PAPSS2: variants seen among roughly 807,000 people sequenced by gnomAD.
The protein encoded by PAPSS2 is 3'-phosphoadenosine 5'-phosphosulfate synthase 2, also known as bifunctional 3'-phosphoadenosine 5'-phosphosulfate synthase 2.
A neutral mutation model predicts 66.5 loss-of-function variants in PAPSS2; 61 were observed. The ratio of observed to expected loss-of-function variants is 0.92; its 90% CI spans 0.75 to 1.14. The LOEUF (loss-of-function observed/expected upper bound fraction) is 1.14, where lower values mean the gene tolerates loss of function less well. PAPSS2 is among the 50% of genes most tolerant of loss of function. PAPSS2 has a pLI of 0.00. For synonymous variants in PAPSS2, 289 were observed against 287.5 expected, an observed-to-expected ratio of 1.01 and a Z score of -0.05; for missense variants, 708 against 789.6, an observed-to-expected ratio of 0.90 and a Z score of 1.24.
At chr10:87,671,696 C>T (rs1165553627) in intron 1 of PAPSS2, among the ~76,000 whole-genome samples, 1 of 152,108 alleles carries the variant, frequency 6.6e-6, no homozygotes, top group African/African-American at 2.4e-5. Flanking sequence ...TTGCTCAGCA[C>T]AGAATGTTAA....
At chr10:87,713,627 A>G (rs1425073353) in intron 3 of PAPSS2, among the ~76,000 whole-genome samples, 1 of 152,186 alleles carries the variant, frequency 6.6e-6, no homozygotes, top group African/African-American at 2.4e-5. Flanking sequence ...AACCTCTGTA[A>G]TTTTAGTTGT....
intron 8 of PAPSS2, among the ~76,000 whole-genome samples, chr10:87,724,454 T>C (rs975116121): frequency 2.0e-5 from 3 of 151,830 alleles, no homozygotes; most frequent in African/African-American, 7.2e-5. Context: ...TGTATTTCAG[T>C]TTCAGTGTTA....
At chr10:87,719,561 C>A (rs572268225) in intron 7 of PAPSS2, among the ~76,000 whole-genome samples, 8 of 152,236 alleles carry the variant, frequency 5.3e-5, no homozygotes, top group African/African-American at 1.9e-4. Flanking sequence ...GCTAGAGTCC[C>A]ACCTGGGCAA....
intron 1 of PAPSS2, among the ~76,000 whole-genome samples, chr10:87,692,144 A>G (rs1018677383): frequency 6.6e-6 from 1 of 152,144 alleles, no homozygotes; most frequent in African/African-American, 2.4e-5. Flanking sequence ...AAGCAATAGG[A>G]TGGCTCCTAG....
At chr10:87,727,530 T>C in intron 9 of PAPSS2, 41 bp downstream of exon 9, 1 of 1,486,532 alleles carries the variant, frequency 6.7e-7, no homozygotes, top group Non-Finnish European at 9.3e-7. Flanking sequence ...TTGAGCTATT[T>C]AAACTGAGAA....
chr10:87,701,097 T>C (rs1853297897), intron 1 of PAPSS2, among the ~76,000 whole-genome samples: 1 of 151,558 alleles, frequency 6.6e-6, no homozygotes, highest in African/African-American at 2.4e-5. Context: ...TATAATGTGA[T>C]ATATAATAAA....
chr10:87,679,358 C>T lies in PAPSS2; in HGVS notation c.27+19350C>T, dbSNP rs1247288689. Among the ~76,000 whole-genome samples, 6 of 152,128 alleles carry T rather than the reference C, an allele frequency of 3.9e-5. No individual in the cohort carries two copies. The East Asian group carries it at 7.7e-4, about 20-fold the overall frequency. On this transcript the variant is annotated intron_variant, in intron 1 of 12. Coordinates refer to ENST00000456849, the MANE Select transcript of PAPSS2 (RefSeq NM_001015880.2). Reference sequence around the variant, plus strand: ...AGATAAAAGTTATAATAAGTTCTATCGTTCTACAGCAGAGCAGAGTGACTA... The same window carrying T: ...AGATAAAAGTTATAATAAGTTCTATTGTTCTACAGCAGAGCAGAGTGACTA...
At position 87,741,279 on chromosome 10, in the gene PAPSS2, G is replaced by T; in HGVS notation, c.1131G>T (p.Gln377His). The change falls in exon 10 of 13, where the codon CAG (glutamine) becomes CAT (histidine). Residue 377 changes from glutamine (Q) to histidine (H), a missense_variant. Physicochemically the swap from Gln to His is conservative, Grantham distance 24 (BLOSUM62 0). Transcript: ENST00000456849. Reference protein sequence around the residue: ...SGDWLVGGDLQVLEKIRWNDG... With the variant: ...SGDWLVGGDLHVLEKIRWNDG... The stretch of plus-strand genomic sequence containing the variant: ...ACTGGCTGGTTGGTGGAGACCTTCA[G>T]GTGCTGGAGAAAATAAGATGGAATG... 6.2e-7 allele frequency: 1 copy of T among 1,613,794 alleles called. No homozygotes were observed. Among genetic ancestry groups the T allele is most frequent in the African/African-American group, 1.3e-5 (1 of 75,046 alleles).
intron 1 of PAPSS2, among the ~76,000 whole-genome samples, chr10:87,700,070 T>G (rs986555994): frequency 2.6e-5 from 4 of 152,164 alleles, no homozygotes; most frequent in Admixed American, 2.6e-4. Context: ...AGATTAATGT[T>G]AACTCACTCT....
At chr10:87,696,843 A>AT (rs979116134) in intron 1 of PAPSS2, among the ~76,000 whole-genome samples, 6 of 152,116 alleles carry the variant, frequency 3.9e-5, no homozygotes, top group East Asian at 1.9e-4. Flanking sequence ...TAGACTTTTT[A>AT]TTTTTTTAGA....
chr10:87,677,338 C>T (rs894140611), intron 1 of PAPSS2, among the ~76,000 whole-genome samples: 2 of 152,080 alleles, frequency 1.3e-5, no homozygotes, highest in Non-Finnish European at 2.9e-5. Flanking sequence ...TTACTTTCTT[C>T]TTCCTTCTAT....
intron 9 of PAPSS2, among the ~76,000 whole-genome samples, chr10:87,729,952 C>T (rs117279698): frequency 0.011 from 1,652 of 152,086 alleles, 21 homozygotes; most frequent in Middle Eastern, 0.014. Context: ...GCCGAGGTAG[C>T]GCCATTGCAC....
intron 9 of PAPSS2, 70 bp from the exon 10 acceptor site, chr10:87,741,165 A>G: frequency 6.7e-7 from 1 of 1,503,362 alleles, no homozygotes; most frequent in Non-Finnish European, 9.3e-7. Context: ...TTGGTCTAAA[A>G]GGAGAAAACT....
chr10:87,682,694 G>T (rs1363048847), intron 1 of PAPSS2, among the ~76,000 whole-genome samples: 1 of 152,188 alleles, frequency 6.6e-6, no homozygotes, highest in Non-Finnish European at 1.5e-5. Context: ...GCTGACAGTA[G>T]ATATTAAAAG....
chr10:87,693,936 C>A (rs774583434), intron 1 of PAPSS2, among the ~76,000 whole-genome samples: 6 of 152,142 alleles, frequency 3.9e-5, no homozygotes, highest in Admixed American at 3.9e-4. Context: ...GTGACTGTAA[C>A]TAAAGTTTGG....
At chr10:87,665,532 A>C (rs769784257) in intron 1 of PAPSS2, among the ~76,000 whole-genome samples, 15 of 152,066 alleles carry the variant, frequency 9.9e-5, no homozygotes, top group Non-Finnish European at 2.1e-4. Context: ...CTTTTTAAAG[A>C]CTTAGGTGAT....
In PAPSS2 at chr10:87,746,361, C is replaced by T. The variant is rs1007287803; in HGVS notation, c.*391C>T. 1 of 162,190 alleles carries T rather than the reference C, an allele frequency of 6.2e-6. No homozygotes were observed. Among genetic ancestry groups the T allele is most frequent in the Non-Finnish European group, 1.3e-5 (1 of 74,924 alleles). The allele number at this position is 162,190 out of a possible 1,614,324, so 10.0% of individuals were successfully genotyped here. Reference sequence around the variant, plus strand: ...CCTGTACTCTTCCAATGTCATTTATCAGTTGTAAAATATATCAGATTGTGT... The same window carrying T: ...CCTGTACTCTTCCAATGTCATTTATTAGTTGTAAAATATATCAGATTGTGT... On this transcript the variant is annotated 3_prime_UTR_variant, in exon 13 of 13. Transcript: ENST00000456849.
chr10:87,670,189 G>A (rs186744071), intron 1 of PAPSS2, among the ~76,000 whole-genome samples: 17 of 152,316 alleles, frequency 1.1e-4, no homozygotes, highest in East Asian at 5.8e-4. Context: ...CTAGCCTTAC[G>A]GCTATGTCAG....
chr10:87,732,253 C>T (rs1255689708), intron 9 of PAPSS2, among the ~76,000 whole-genome samples: 1 of 152,140 alleles, frequency 6.6e-6, no homozygotes, highest in Non-Finnish European at 1.5e-5. Context: ...TTAAGATAGG[C>T]TGGGCGCGGT....
Sources: allele counts gnomAD v4.1 joint callset (sites outside exome capture counted in the v4.1 genomes callset), GRCh38; gene constraint gnomAD v4.1.1; transcripts MANE v1.5; gene names NCBI Gene and HGNC (gene_info 2026-07-23, HGNC 2026-07-21).